The following FABP12 variants were observed in gnomAD, a reference collection of about 807,000 sequenced individuals.
FABP12 encodes fatty acid-binding protein 12.
A neutral mutation model predicts 13.7 loss-of-function variants in FABP12; 19 were observed. The observed-to-expected ratio is 1.39, with a 90% confidence interval of 0.97 to 2.04. FABP12 has a LOEUF of 2.04. FABP12 is among the 30% of genes most tolerant of loss of function. FABP12 has a pLI of 0.00. For synonymous variants in FABP12, 61 were observed against 57.0 expected (o/e 1.07, Z -0.32); for missense variants, 182 against 164.2 (o/e 1.11, Z -0.59).
intron 3 of FABP12, among the ~76,000 whole-genome samples, chr8:81,527,586 T>C (rs912522194): frequency 1.3e-5 from 2 of 152,064 alleles, no homozygotes; most frequent in Admixed American, 6.6e-5. Flanking sequence ...TGGTCTTGAA[T>C]CTCCTGACCT....
At chr8:81,551,228 C>T (rs1165245522) in intron 1 of FABP12, among the ~76,000 whole-genome samples, 1 of 152,116 alleles carries the variant, frequency 6.6e-6, no homozygotes, top group East Asian at 1.9e-4. Flanking sequence ...TTTGATTTAA[C>T]TGTGTTTTTA....
intron 1 of FABP12, among the ~76,000 whole-genome samples, chr8:81,562,072 C>T (rs1809732313): frequency 6.6e-6 from 1 of 152,096 alleles, no homozygotes; most frequent in East Asian, 1.9e-4. Context: ...ATAAAGAAAA[C>T]TTTATCTTGC....
intron 4 of FABP12, chr8:81,525,874 C>A (rs751919082): frequency 6.6e-6 from 1 of 152,160 alleles, no homozygotes; most frequent in Non-Finnish European, 1.5e-5. Context: ...ATACTTAATT[C>A]TCTCAGAAAA....
At chr8:81,529,376 C>A (rs777456032) in intron 3 of FABP12, 62 bp downstream of exon 3, 4 of 1,526,318 alleles carry the variant, frequency 2.6e-6, no homozygotes, top group African/African-American at 2.7e-5. Flanking sequence ...GCTTACTTAC[C>A]GAGGATGATA....
chr8:81,535,924 T>A (rs1809210695), upstream of FABP12, among the ~76,000 whole-genome samples: 1 of 152,196 alleles, frequency 6.6e-6, no homozygotes, highest in African/African-American at 2.4e-5. Context: ...ATTGTATGTA[T>A]GAAGCAGCAC....
intron 1 of FABP12, among the ~76,000 whole-genome samples, chr8:81,587,104 G>A (rs1354825763): frequency 1.3e-5 from 2 of 152,086 alleles, no homozygotes; most frequent in Non-Finnish European, 2.9e-5. Context: ...GATGGTTGTA[G>A]GTGTGCACCT....
chr8:81,584,327 G>A (rs900642376), intron 1 of FABP12, among the ~76,000 whole-genome samples: 1 of 152,214 alleles, frequency 6.6e-6, no homozygotes, highest in Non-Finnish European at 1.5e-5. Context: ...AAGCATGGAG[G>A]CACCGGCCTC....
rs1381397471 is a variant in FABP12 at position 81,528,984 on chromosome 8, A to G, written c.246+454T>C. 3.9e-5 allele frequency among the ~76,000 whole-genome samples: 6 copies of G among 152,120 alleles called. No homozygotes were observed. In the East Asian group the frequency reaches 9.6e-4, roughly 24 times the overall value. ...TGCCACCCAACACTACGTATGTACTATAAGTTAGAAATAAATCCCCATTGT... is the reference window on the plus strand; with the variant it reads ...TGCCACCCAACACTACGTATGTACTGTAAGTTAGAAATAAATCCCCATTGT... On this transcript the variant is annotated intron_variant, in intron 3 of 4. Coordinates refer to ENST00000360464, the Ensembl canonical transcript of FABP12.
intron 1 of FABP12, among the ~76,000 whole-genome samples, chr8:81,552,073 G>A (rs1243598393): frequency 6.6e-6 from 1 of 152,136 alleles, no homozygotes; most frequent in African/African-American, 2.4e-5. Flanking sequence ...ACTAATGCAA[G>A]CAGAGATCTG....
chr8:81,569,521 G>A (rs1366856862), intron 1 of FABP12, among the ~76,000 whole-genome samples: 4 of 152,112 alleles, frequency 2.6e-5, no homozygotes, highest in African/African-American at 4.8e-5. Context: ...GTTTCTCTGT[G>A]GTGAGTTGAG....
At chr8:81,585,503 G>A (rs887785022) in intron 1 of FABP12, among the ~76,000 whole-genome samples, 2 of 152,138 alleles carry the variant, frequency 1.3e-5, no homozygotes, top group South Asian at 2.1e-4. Flanking sequence ...AAAATTTGAA[G>A]TCAGGTAGTG....
At chr8:81,573,431 A>C (rs934782072) in intron 1 of FABP12, among the ~76,000 whole-genome samples, 1 of 152,048 alleles carries the variant, frequency 6.6e-6, no homozygotes, top group Admixed American at 6.6e-5. Context: ...TTGGCTATGC[A>C]GGCTCTTTTT....
At chr8:81,579,780 G>C (rs1227236917) in intron 1 of FABP12, among the ~76,000 whole-genome samples, 1 of 152,156 alleles carries the variant, frequency 6.6e-6, no homozygotes, top group Non-Finnish European at 1.5e-5. Flanking sequence ...CTTTGATGAT[G>C]TAAAGTCAAA....
In FABP12 at chr8:81,584,112, AG is replaced by A. The variant is rs557461978; in HGVS notation, c.-185+5940del. 1.8e-4 allele frequency among the ~76,000 whole-genome samples: 28 copies of A among 152,364 alleles called. No homozygotes were observed. The South Asian group carries it at 2.7e-3, about 15-fold the overall frequency. On this transcript the variant is annotated intron_variant, in intron 1 of 5. Coordinates refer to the FABP12 transcript ENST00000692030. The stretch of plus-strand genomic sequence containing the variant: ...AACATATAATCATCTCAATGGACAA[AG>A]AAAAAGCATTTGATAAAATTCAACA...
At chr8:81,558,618 G>A (rs186633476) in intron 1 of FABP12, among the ~76,000 whole-genome samples, 169 of 152,254 alleles carry the variant, frequency 1.1e-3, no homozygotes, top group African/African-American at 3.8e-3. Flanking sequence ...AGGGCAGGGC[G>A]CGGTGGCTCG....
rs190389218 is a variant in FABP12 at position 81,588,681 on chromosome 8, T to C, written c.-185+1372A>G. Among the ~76,000 whole-genome samples the C allele has an allele frequency of 4.6e-5, 7 of 152,318 alleles. No homozygotes were observed. The East Asian group carries it at 1.2e-3, about 25-fold the overall frequency. On this transcript the variant is annotated intron_variant, in intron 1 of 5. Coordinates refer to the FABP12 transcript ENST00000692030. ...ATTTCTCTGGCCAGGACTTCCAGTA[T>C]TATGTTGAATAAAACTGGTGAAAGT... is the stretch of plus-strand genomic sequence containing the variant.
chr8:81,552,094 C>T (rs1032836718), intron 1 of FABP12, among the ~76,000 whole-genome samples: 40 of 152,056 alleles, frequency 2.6e-4, no homozygotes, highest in East Asian at 1.5e-3. Context: ...ATGTGGGGTA[C>T]GAGGGAAACT....
chr8:81,568,054 C>A (rs979123318), intron 1 of FABP12, among the ~76,000 whole-genome samples: 8 of 151,224 alleles, frequency 5.3e-5, no homozygotes, highest in African/African-American at 1.9e-4. Flanking sequence ...ACCCGGGAAG[C>A]GGAGCTTGCA....
chr8:81,587,814 G>C (rs1237742115), intron 1 of FABP12, among the ~76,000 whole-genome samples: 4 of 152,064 alleles, frequency 2.6e-5, no homozygotes, highest in Non-Finnish European at 5.9e-5. Flanking sequence ...AAGGTGTGTT[G>C]ACTCAGGCAA....
Sources: allele counts gnomAD v4.1 joint callset (sites outside exome capture counted in the v4.1 genomes callset), GRCh38; gene constraint gnomAD v4.1.1; transcripts MANE v1.5; gene names NCBI Gene and HGNC (gene_info 2026-07-23, HGNC 2026-07-21).